Variants in TCF20 observed in about 807,000 individuals in gnomAD.
TCF20 encodes the protein SPRE-binding protein.
A neutral mutation model predicts 148.6 loss-of-function variants in TCF20; 3 were observed. The observed-to-expected ratio is 0.02, with a 90% confidence interval of 0.01 to 0.05. The LOEUF is 0.05. Ranked by LOEUF, TCF20 falls within the 10% of genes least tolerant of loss-of-function variation. The pLI is 1.00. For missense variants in TCF20, 2,350 were observed against 2,429.3 expected (o/e 0.97, Z 0.69); for synonymous variants, 1,049 against 909.5 (o/e 1.15, Z -2.76).
rs898603752 is a variant in TCF20, at chr22:42,279,841, C to G, written c.-37+3986G>C. On this transcript the variant is annotated intron_variant, in intron 1 of 5. Coordinates refer to the TCF20 transcript ENST00000359486. This position sits in a 1 kb window ranked among gnomAD's most constrained non-coding sequence, Gnocchi z 4.3. ...AGCCACTGGGGGCCTCCGTGGCAAT[C>G]GGGCTCACAAAGCCATGTGTGGGCT... Among the ~76,000 whole-genome samples the G allele has an allele frequency of 6.6e-6, 1 of 152,188 alleles. No homozygotes were observed. The highest frequency in any genetic ancestry group is 6.5e-5 in the Admixed American group (1 of 15,286).
Position 42,211,631 on chromosome 22 carries a change from C to A in TCF20, c.3675G>T (p.Glu1225Asp). 6.2e-7 allele frequency: 1 copy of A among 1,614,180 alleles called. No individual in the cohort carries two copies. The highest frequency in any genetic ancestry group is 8.5e-7 in the Non-Finnish European group (1 of 1,180,028). ...TACCAGGTTTGGATGACTGTGTAGC[C>A]TCAGCTAGTCCATGTCCATCAGTCT... Reference protein sequence around the residue: ...PHETDGHGLAEATQSSKPGSV... With the variant: ...PHETDGHGLADATQSSKPGSV... Residue 1225 changes from glutamate (E) to aspartate (D), a missense_variant, in exon 2 of 6, where the codon GAG becomes GAT. This residue lies in a region of TCF20 where 1,641 missense variants were observed against 1,662.6 expected (regional missense o/e 0.99). Transcript: ENST00000677622.
At chr22:42,268,379 G>A (rs1198519064) in intron 1 of TCF20, among the ~76,000 whole-genome samples, 3 of 152,174 alleles carry the variant, frequency 2.0e-5, no homozygotes, top group East Asian at 3.8e-4. Context: ...CGGTTCTTCA[G>A]CATCTGCGGA....
chr22:42,177,650 CCCT>C (rs1465220702), intron 3 of TCF20, among the ~76,000 whole-genome samples: 4 of 152,106 alleles, frequency 2.6e-5, no homozygotes, highest in African/African-American at 7.2e-5. Flanking sequence ...CAAAACATCC[CCCT>C]ATCATCTCAG....
rs1935387167 is a variant in TCF20 at position 42,160,654 on chromosome 22, C to A, written c.*749G>T. On this transcript the variant is annotated 3_prime_UTR_variant, in exon 6 of 6. Coordinates refer to ENST00000677622, the MANE Select transcript of TCF20 (RefSeq NM_001378418.1). ...AAAGAAAAAATTAAAAAAAAAAAAC[C>A]ATAAATAAATAGTGTTTCTGGAAAT... 1 of 152,164 alleles carries A rather than the reference C, an allele frequency of 6.6e-6. No homozygotes were observed. Among genetic ancestry groups the A allele is most frequent in the Non-Finnish European group, 1.5e-5 (1 of 67,966 alleles). 9.4% of individuals were successfully genotyped at this position (152,164 alleles called of 1,614,324 possible). A position where few individuals can be genotyped will look rare whatever the true frequency, so the allele number is the denominator to read the frequency against.
chr22:42,243,538 G>T (rs1009729176), intron 1 of TCF20, among the ~76,000 whole-genome samples: 1 of 151,982 alleles, frequency 6.6e-6, no homozygotes, highest in Non-Finnish European at 1.5e-5. Flanking sequence ...GGAGGTGGAG[G>T]TTGCAGTGAG....
chr22:42,271,989 G>A (rs968092455), upstream of TCF20, among the ~76,000 whole-genome samples: 2 of 152,210 alleles, frequency 1.3e-5, no homozygotes, highest in African/African-American at 4.8e-5. Flanking sequence ...AGCCCCAGGT[G>A]GTCCTGGGCC....
chr22:42,206,455 A>G (rs949343249), intron 2 of TCF20, among the ~76,000 whole-genome samples: 1 of 152,226 alleles, frequency 6.6e-6, no homozygotes, highest in East Asian at 1.9e-4. Context: ...CTTTCCAAGG[A>G]AAGTTGGGAA....
rs1927113570 is a variant in TCF20 at position 42,290,479 on chromosome 22, G to A, written c.-37+53000C>T. Among the ~76,000 whole-genome samples the A allele has an allele frequency of 6.6e-6, 1 of 152,202 alleles. No homozygotes were observed. Among genetic ancestry groups the A allele is most frequent in the South Asian group, 2.1e-4 (1 of 4,830 alleles). On this transcript the variant is annotated intron_variant, in intron 1 of 1. Coordinates refer to the TCF20 transcript ENST00000515426. The surrounding 1 kb of genome is among the most constrained non-coding windows in gnomAD (Gnocchi z 4.2). ...CAGCTGTGGGTGTGACCAGGCCATG[G>A]AGCGGGCAGGCTGGGGGCACGTGGG...
intron 1 of TCF20, among the ~76,000 whole-genome samples, chr22:42,238,142 C>T (rs1004715143): frequency 3.3e-5 from 5 of 152,230 alleles, no homozygotes; most frequent in African/African-American, 4.8e-5. Context: ...CATCAGTGAT[C>T]TTGGCTACAT....
rs200659982 is a variant in TCF20 at position 42,209,999 on chromosome 22, C to T, written c.5307G>A (p.Glu1769=). 1.9e-6 allele frequency: 3 copies of T among 1,612,964 alleles called. No individual in the cohort carries two copies. The highest frequency in any genetic ancestry group is 1.1e-5 in the South Asian group (1 of 91,086). The change falls in exon 2 of 6, where the codon GAG becomes GAA. Residue 1769 remains glutamate (E), a synonymous_variant. Coordinates refer to ENST00000677622, the MANE Select transcript of TCF20 (RefSeq NM_001378418.1). ...TCTGCTCCTTCTGCTGCTGCTGCTG[C>T]TCTTCCTCCTCCTCAGTGTCCGTCT... ...GSKTDTEEEE[E]QQQQQKEQRS... is the part of the protein sequence containing the mutation.
At position 42,168,703 on chromosome 22, in the gene TCF20, T is replaced by G. The variant is rs1205070203; in HGVS notation, c.5833A>C (p.Asn1945His). 3 of 1,611,214 alleles carry G rather than the reference T, an allele frequency of 1.9e-6. No individual in the cohort carries two copies. Among genetic ancestry groups the G allele is most frequent in the Non-Finnish European group, 2.5e-6 (3 of 1,179,144 alleles). Residue 1945 changes from asparagine to histidine, a missense_variant, in exon 5 of 6, where the codon AAC becomes CAC. By Grantham distance (68) the Asn-to-His change is moderately conservative. Transcript: ENST00000677622. ...CTGAGGCTGCCTTTCGCGGTCTTGT[T>G]CTGCAAGGGGGGGAGAGGGCACGGA... ...PLPCPLPPLQ[N>H]KTAKGSLSTE...
intron 1 of TCF20, among the ~76,000 whole-genome samples, chr22:42,304,037 G>A (rs1020961366): frequency 5.3e-5 from 8 of 151,678 alleles, no homozygotes; most frequent in South Asian, 2.1e-4. Context: ...CCCCCCTGCC[G>A]CAAGAACATC....
intron 5 of TCF20, among the ~76,000 whole-genome samples, chr22:42,166,234 T>C (rs554398862): frequency 1.3e-5 from 2 of 152,330 alleles, no homozygotes; most frequent in East Asian, 3.9e-4. Context: ...TCAACCTCAA[T>C]GGACCTGAGA....
chr22:42,199,781 C>T (rs112254964), intron 2 of TCF20, among the ~76,000 whole-genome samples: 33 of 139,174 alleles, frequency 2.4e-4, no homozygotes, highest in African/African-American at 9.0e-4. Flanking sequence ...ACCTGGGAGG[C>T]AGAGGTTGCA....
At chr22:42,251,428 C>T (rs1925355831) in intron 1 of TCF20, among the ~76,000 whole-genome samples, 3 of 151,716 alleles carry the variant, frequency 2.0e-5, no homozygotes, top group Admixed American at 2.0e-4. Flanking sequence ...GCAATCTGCC[C>T]ACCTTGGCTT....
intron 5 of TCF20, 72 bp from the exon 6 acceptor site, chr22:42,161,430 T>A: frequency 6.2e-7 from 1 of 1,607,526 alleles, no homozygotes; most frequent in Non-Finnish European, 8.5e-7. Context: ...CGCTGTTCCG[T>A]GGTACCCCTG....
chr22:42,250,267 T>G (rs184660836), intron 1 of TCF20, among the ~76,000 whole-genome samples: 1,905 of 152,138 alleles, frequency 0.013, 34 homozygotes, highest in Admixed American at 0.055. Flanking sequence ...GGTGAAATCC[T>G]GTCTCTACAA....
rs1029613584 is a variant in TCF20, at chr22:42,279,927, T to C, written c.-37+3900A>G. 1.3e-5 allele frequency among the ~76,000 whole-genome samples: 2 copies of C among 150,808 alleles called. No individual in the cohort carries two copies. The highest frequency in any genetic ancestry group is 4.8e-5 in the African/African-American group (2 of 41,316). ...GGTGCTCCTCACAGGTGATGGGGTG[T>C]GTTGTCTATGGGGCTCTTGTGCCCT... is the stretch of plus-strand genomic sequence containing the variant. On this transcript the variant is annotated intron_variant, in intron 1 of 5. Transcript: ENST00000359486. The surrounding 1 kb of genome is among the most constrained non-coding windows in gnomAD (Gnocchi z 4.3).
At position 42,338,606 on chromosome 22, in the gene TCF20, C is replaced by T. The variant is rs1928109244; in HGVS notation, c.-37+4873G>A. On this transcript the variant is annotated intron_variant, in intron 1 of 1. Transcript: ENST00000515426. The surrounding 1 kb of genome is among the most constrained non-coding windows in gnomAD (Gnocchi z 4.0). ...GAGAGGCTTAATGAAACTGCTAACG[C>T]GTTAGTGATTCCTGCCTGCTCGGGA... Among the ~76,000 whole-genome samples the T allele has an allele frequency of 6.6e-6, 1 of 152,198 alleles. No individual in the cohort carries two copies. The highest frequency in any genetic ancestry group is 2.4e-5 in the African/African-American group (1 of 41,446).
Sources: allele counts gnomAD v4.1 joint callset (sites outside exome capture counted in the v4.1 genomes callset), GRCh38; gene constraint gnomAD v4.1.1; regional missense constraint gnomAD v4.1.1; non-coding constraint Gnocchi (gnomAD v3.1); transcripts MANE v1.5; gene names NCBI Gene and HGNC (gene_info 2026-07-23, HGNC 2026-07-21).